Variants in PCNX2 observed in about 807,000 individuals in gnomAD.
The protein encoded by PCNX2 is pecanex-like protein 2.
In PCNX2, 168 loss-of-function variants were observed where a neutral mutation model predicts 223.8. The ratio of observed to expected loss-of-function variants is 0.75; its 90% confidence interval spans 0.66 to 0.85. The LOEUF (loss-of-function observed/expected upper bound fraction) is 0.85, where lower values mean the gene tolerates loss of function less well. PCNX2 is among the 40% of genes least tolerant of loss of function. The pLI, the probability that PCNX2 is intolerant of heterozygous loss-of-function variation, is 0.00. For synonymous variants in PCNX2, 1,006 were observed against 1,052.6 expected (o/e 0.96, Z 0.86); for missense variants, 2,507 against 2,675.5 (o/e 0.94, Z 1.39).
At chr1:233,211,272 C>T (rs1172529700) in intron 12 of PCNX2, among the ~76,000 whole-genome samples, 7 of 152,114 alleles carry the variant, frequency 4.6e-5, no homozygotes, top group African/African-American at 1.7e-4. Flanking sequence ...TTCCCTGGGA[C>T]AGAAGAGAGC....
chr1:233,012,026 C>G (rs919315189), intron 28 of PCNX2, among the ~76,000 whole-genome samples: 1 of 152,046 alleles, frequency 6.6e-6, no homozygotes, highest in Non-Finnish European at 1.5e-5. Flanking sequence ...TGGTTAGTGT[C>G]AGAAGTGAAC....
At chr1:233,233,981 A>T (rs868440461) in intron 9 of PCNX2, among the ~76,000 whole-genome samples, 45 of 152,176 alleles carry the variant, frequency 3.0e-4, no homozygotes, top group Middle Eastern at 3.4e-3. Context: ...CTTGCTGAGG[A>T]AGCCTCTCTG....
At chr1:233,153,869 A>G (rs756902927) in intron 19 of PCNX2, among the ~76,000 whole-genome samples, 4 of 152,220 alleles carry the variant, frequency 2.6e-5, no homozygotes, top group Non-Finnish European at 5.9e-5. Flanking sequence ...TATAAGTGAA[A>G]AATACATTAT....
intron 27 of PCNX2, among the ~76,000 whole-genome samples, chr1:233,015,617 C>T (rs1471091568): frequency 1.3e-5 from 2 of 151,926 alleles, no homozygotes; most frequent in Non-Finnish European, 2.9e-5. Flanking sequence ...CGCTGGAACC[C>T]GGGGGGCAGA....
intron 23 of PCNX2, among the ~76,000 whole-genome samples, chr1:233,086,622 GATC>G (rs1673617572): frequency 1.3e-5 from 2 of 152,104 alleles, no homozygotes; most frequent in African/African-American, 4.8e-5. Flanking sequence ...AGTGAGTGGA[GATC>G]GTGCCACTGC....
At chr1:233,286,228 G>C (rs561399978) in intron 1 of PCNX2, among the ~76,000 whole-genome samples, 1 of 152,036 alleles carries the variant, frequency 6.6e-6, no homozygotes, top group East Asian at 1.9e-4. Flanking sequence ...GAAGAGAAGC[G>C]CTTCAGTGGG....
intron 23 of PCNX2, among the ~76,000 whole-genome samples, chr1:233,072,737 C>T (rs1672912489): frequency 6.6e-6 from 1 of 152,136 alleles, no homozygotes; most frequent in South Asian, 2.1e-4. Context: ...GCATTCTCAT[C>T]TGGTCACAGT....
chr1:233,098,805 C>T (rs957852194), intron 21 of PCNX2, among the ~76,000 whole-genome samples: 47 of 152,174 alleles, frequency 3.1e-4, no homozygotes, highest in African/African-American at 1.1e-3. Flanking sequence ...CCACCTCTAC[C>T]TCTGGTCATA....
intron 25 of PCNX2, among the ~76,000 whole-genome samples, chr1:233,046,095 C>G (rs1377560515): frequency 2.0e-5 from 3 of 152,214 alleles, no homozygotes; most frequent in African/African-American, 4.8e-5. Context: ...TGGTCCACAG[C>G]CTTGGGGAGC....
At chr1:233,239,640 T>G (rs77542752) in intron 8 of PCNX2, among the ~76,000 whole-genome samples, 12,575 of 152,168 alleles carry the variant, frequency 0.083, 1,339 homozygotes, top group African/African-American at 0.25. Context: ...TCCTCGTAGG[T>G]ATCATTGTGA....
chr1:233,318,563 C>CTTTTTT, the PCNX2 span, among the ~76,000 whole-genome samples: 615 of 92,382 alleles, frequency 6.7e-3, 1 homozygote, highest in Non-Finnish European at 8.3e-3. Flanking sequence ...TTTTCTTTTT[C>CTTTTTT]TTTTTTTTTT....
Position 233,252,670 on chromosome 1 carries a change from T to C in PCNX2, c.1953A>G (p.Ala651=). The change falls in exon 6 of 34, where the codon GCA becomes GCG. Residue 651 remains alanine (A), a synonymous_variant. Transcript: ENST00000258229. ...CTGTGGTCTTGGCAGGCTGAGTGCATGCGGGGCCGGTGCTAGTATGGTCTT... is the reference window on the plus strand; with the variant it reads ...CTGTGGTCTTGGCAGGCTGAGTGCACGCGGGGCCGGTGCTAGTATGGTCTT... The part of the protein sequence containing the change: ...QSQDHTSTGP[A]CTQPAKTTAF... 1 of 1,613,726 alleles carries C rather than the reference T, an allele frequency of 6.2e-7. No homozygotes were observed. Among genetic ancestry groups the C allele is most frequent in the Non-Finnish European group, 8.5e-7 (1 of 1,179,818 alleles).
intron 21 of PCNX2, among the ~76,000 whole-genome samples, chr1:233,133,107 C>A (rs1676601940): frequency 6.6e-6 from 1 of 151,954 alleles, no homozygotes; most frequent in African/African-American, 2.4e-5. Flanking sequence ...CCATGTTGCC[C>A]ATCCTGCTCT....
intron 22 of PCNX2, among the ~76,000 whole-genome samples, chr1:233,094,748 T>G (rs757679652): frequency 4.6e-5 from 7 of 152,198 alleles, no homozygotes; most frequent in Non-Finnish European, 1.0e-4. Flanking sequence ...GAGTGGTCAT[T>G]CAAGTTAGCT....
rs528619022 is a variant in PCNX2, at chr1:233,045,038, G to A, written c.4351+9230C>T. Reference sequence around the variant, plus strand: ...GTACCAGACAACAGAAATAGGATGTGCCATGGACCTTGATCATTCTTTTGG... The same window carrying A: ...GTACCAGACAACAGAAATAGGATGTACCATGGACCTTGATCATTCTTTTGG... On this transcript the variant is annotated intron_variant, in intron 25 of 33. Transcript: ENST00000258229. Among the ~76,000 whole-genome samples the A allele has an allele frequency of 4.9e-3, 751 of 152,274 alleles. 7 individuals carry two copies. The highest frequency in any genetic ancestry group is 0.018 in the African/African-American group (732 of 41,552).
chr1:233,235,606 T>C (rs971840294), intron 9 of PCNX2, among the ~76,000 whole-genome samples: 1 of 152,060 alleles, frequency 6.6e-6, no homozygotes, highest in African/African-American at 2.4e-5. Context: ...TTGTGTTTGT[T>C]TGTTTGTTTG....
At chr1:233,246,641 C>G (rs1032521409) in intron 8 of PCNX2, among the ~76,000 whole-genome samples, 1 of 152,158 alleles carries the variant, frequency 6.6e-6, no homozygotes, top group Admixed American at 6.5e-5. Flanking sequence ...TTCAGGGCCA[C>G]GAACTGCCAT....
intron 25 of PCNX2, among the ~76,000 whole-genome samples, chr1:233,033,443 A>G (rs1427370858): frequency 6.6e-6 from 1 of 152,250 alleles, no homozygotes; most frequent in Non-Finnish European, 1.5e-5. Flanking sequence ...CCAGAAGCCA[A>G]TGTAGAAAGA....
chr1:233,272,294 GA>G (rs35023237), intron 1 of PCNX2, among the ~76,000 whole-genome samples: 23,134 of 120,388 alleles, frequency 0.19, 2,067 homozygotes, highest in South Asian at 0.28. Context: ...CAATTAGCAA[GA>G]AAAAAAAAAA....
Sources: gnomAD v4.1 joint callset for allele counts (sites outside exome capture counted in the v4.1 genomes callset) on GRCh38, gnomAD v4.1.1 for gene constraint, MANE v1.5 for transcripts, NCBI Gene and HGNC (gene_info 2026-07-23, HGNC 2026-07-21) for gene names.